Variants in SLC9C1 observed in about 807,000 individuals in gnomAD.
SLC9C1 encodes sodium/hydrogen exchanger 10.
Under a neutral mutation model 140.9 loss-of-function variants are expected in SLC9C1, and 97 were observed. The observed-to-expected ratio is 0.69, with a 90% CI of 0.58 to 0.82. SLC9C1 has a LOEUF of 0.82. Among genes scored for constraint, SLC9C1 ranks in the 40% least tolerant of loss-of-function variants. SLC9C1 has a pLI of 0.00. For synonymous variants in SLC9C1, 440 were observed against 442.6 expected, an observed-to-expected ratio of 0.99 and a Z score of 0.07; for missense variants, 1,340 against 1,389.3, an observed-to-expected ratio of 0.96 and a Z score of 0.56.
In SLC9C1 at chr3:112,151,866, C is replaced by T; in HGVS notation, c.3515G>A (p.Arg1172Lys). The change falls in exon 28 of 29, where the codon AGG becomes AAG. Residue 1172 changes from arginine (R) to lysine (K), a missense_variant. Transcript: ENST00000305815. ...AACCAGAGTGGCTTACCTGACTTTC[C>T]TTAGGTTTATTCTAGGGGACTCCTT... ...NCKESPRINL[R>K]KVRKE 1 of 1,612,642 alleles carries T rather than the reference C, an allele frequency of 6.2e-7. No homozygotes were observed. The highest frequency in any genetic ancestry group is 8.5e-7 in the Non-Finnish European group (1 of 1,179,546).
At chr3:112,163,879 G>T (rs1230511061) in intron 26 of SLC9C1, among the ~76,000 whole-genome samples, 5 of 151,852 alleles carry the variant, frequency 3.3e-5, no homozygotes, top group Non-Finnish European at 7.4e-5. Flanking sequence ...GGGTGTTAAA[G>T]TCTCCCATTA....
chr3:112,279,062 G>A (rs2080292806), intron 3 of SLC9C1: 2 of 422,660 alleles, frequency 4.7e-6, no homozygotes, highest in South Asian at 3.1e-5. Flanking sequence ...AGAATAGAAC[G>A]GATAGAGACT....
chr3:112,167,168 A>G (rs2077155947), intron 26 of SLC9C1, 53 bp downstream of exon 26: 7 of 1,586,616 alleles, frequency 4.4e-6, no homozygotes, highest in Non-Finnish European at 5.1e-6. Context: ...ACATATGGCT[A>G]TTTTATAAAG....
chr3:112,178,887 A>G (rs1272657035), intron 23 of SLC9C1, among the ~76,000 whole-genome samples: 3 of 152,168 alleles, frequency 2.0e-5, no homozygotes, highest in African/African-American at 7.2e-5. Context: ...ATTTTTCCCA[A>G]TTAAAAAACT....
chr3:112,171,373 A>G (rs2107926570), intron 23 of SLC9C1, among the ~76,000 whole-genome samples: 1 of 152,334 alleles, frequency 6.6e-6, no homozygotes, highest in African/African-American at 2.4e-5. Context: ...AATGATGGTG[A>G]ACATCTTCAT....
intron 20 of SLC9C1, among the ~76,000 whole-genome samples, chr3:112,190,464 AT>A (rs1382051304): frequency 1.3e-5 from 2 of 152,142 alleles, no homozygotes; most frequent in African/African-American, 2.4e-5. Flanking sequence ...AATTTTCTAA[AT>A]TGCCCTCCAG....
intron 3 of SLC9C1, 84 bp from the exon 4 acceptor site, chr3:112,278,941 G>T: frequency 7.2e-7 from 1 of 1,386,910 alleles, no homozygotes; most frequent in Non-Finnish European, 9.7e-7. Flanking sequence ...AAATCTAACA[G>T]TAGAGAAAGA....
chr3:112,238,666 C>T (rs2079058204), intron 12 of SLC9C1, among the ~76,000 whole-genome samples: 2 of 152,162 alleles, frequency 1.3e-5, no homozygotes, highest in Admixed American at 6.5e-5. Flanking sequence ...TGTTGTTTTT[C>T]CTTCTAACAG....
chr3:112,173,070 G>A (rs2077274356), intron 23 of SLC9C1, among the ~76,000 whole-genome samples: 2 of 152,040 alleles, frequency 1.3e-5, no homozygotes, highest in Admixed American at 1.3e-4. Context: ...AAAATGCACT[G>A]GAAAGCTTTT....
At chr3:112,204,140 C>A in intron 17 of SLC9C1, 78 bp downstream of exon 17, 1 of 1,304,114 alleles carries the variant, frequency 7.7e-7, no homozygotes, top group Non-Finnish European at 9.9e-7. Flanking sequence ...AACCATAAAA[C>A]TAGTAAACTA....
At chr3:112,218,328 A>G (rs1390092592) in intron 14 of SLC9C1, among the ~76,000 whole-genome samples, 6 of 152,092 alleles carry the variant, frequency 3.9e-5, no homozygotes, top group Non-Finnish European at 8.8e-5. Flanking sequence ...CTGCCCTTGG[A>G]TGTGAGGCCC....
At chr3:112,186,000 T>C in intron 20 of SLC9C1, 1 of 1,531,926 alleles carries the variant, frequency 6.5e-7, no homozygotes, top group Non-Finnish European at 8.7e-7. Context: ...GGCCCCGCGG[T>C]ATTTAGCACC....
At chr3:112,240,266 T>C (rs1560112305) in intron 11 of SLC9C1, among the ~76,000 whole-genome samples, 1 of 152,238 alleles carries the variant, frequency 6.6e-6, no homozygotes, top group Non-Finnish European at 1.5e-5. Flanking sequence ...TTCAGCACTT[T>C]TCATGCATTA....
intron 26 of SLC9C1, among the ~76,000 whole-genome samples, chr3:112,161,328 G>C (rs1475570764): frequency 1.3e-5 from 2 of 152,156 alleles, no homozygotes; most frequent in East Asian, 1.9e-4. Flanking sequence ...TTGTGTTTTA[G>C]ACATGAAGTC....
At chr3:112,230,774 TATTTC>T (rs1393619138) in intron 13 of SLC9C1, among the ~76,000 whole-genome samples, 1 of 152,182 alleles carries the variant, frequency 6.6e-6, no homozygotes, top group African/African-American at 2.4e-5. Context: ...AGATCTTGAT[TATTTC>T]AACCTGGAGA....
chr3:112,237,033 T>C (rs1362113838), intron 12 of SLC9C1, among the ~76,000 whole-genome samples: 1 of 152,210 alleles, frequency 6.6e-6, no homozygotes, highest in East Asian at 1.9e-4. Context: ...TAACTTTCTG[T>C]CTCATTGATC....
intron 20 of SLC9C1, among the ~76,000 whole-genome samples, chr3:112,190,964 C>CACAT (rs1491260690): frequency 1.1e-4 from 10 of 89,136 alleles, no homozygotes; most frequent in Middle Eastern, 6.4e-3. Context: ...CACACACACA[C>CACAT]ATATATATAT....
At position 112,162,412 on chromosome 3, in the gene SLC9C1, A is replaced by G. The variant is rs199873594; in HGVS notation, c.3364+4809T>C. On this transcript the variant is annotated intron_variant, in intron 26 of 28. Transcript: ENST00000305815. The stretch of plus-strand genomic sequence containing the variant: ...GTATGATATTGGCTGTGGGTTTGTC[A>G]TAGATAGCTCTTATTATTTTGAAAT... Among the ~76,000 whole-genome samples the G allele has an allele frequency of 5.9e-5, 9 of 152,252 alleles. No individual in the cohort carries two copies. In the East Asian group the frequency reaches 1.2e-3, roughly 20 times the overall value.
At chr3:112,269,099 C>T (rs1201374740) in intron 7 of SLC9C1, among the ~76,000 whole-genome samples, 2 of 152,148 alleles carry the variant, frequency 1.3e-5, no homozygotes, top group Admixed American at 6.6e-5. Context: ...ATCTAATTTA[C>T]AGGTAGAAAC....
Sources: gnomAD v4.1 joint callset for allele counts (sites outside exome capture counted in the v4.1 genomes callset) on GRCh38, gnomAD v4.1.1 for gene constraint, MANE v1.5 for transcripts, NCBI Gene and HGNC (gene_info 2026-07-23, HGNC 2026-07-21) for gene names.